SKAP1: variants seen among roughly 807,000 people sequenced by gnomAD.
SKAP1 encodes the protein src kinase associated phosphoprotein 1, also known as src kinase-associated phosphoprotein 1.
SKAP1 carries 44 observed loss-of-function variants against 58.5 expected under a neutral mutation model. The observed-to-expected ratio is 0.75, with a 90% CI of 0.59 to 0.97. The LOEUF is 0.97. Ranked by LOEUF, SKAP1 falls within the 50% of genes least tolerant of loss-of-function variation. SKAP1 has a pLI of 0.00. For missense variants in SKAP1, 390 were observed against 435.2 expected (o/e 0.90, Z 0.92); for synonymous variants, 127 against 149.7 (o/e 0.85, Z 1.11).
At chr17:48,255,209 A>T (rs1355926712) in intron 4 of SKAP1, among the ~76,000 whole-genome samples, 1 of 152,078 alleles carries the variant, frequency 6.6e-6, no homozygotes, top group African/African-American at 2.4e-5. Context: ...AATATAATTA[A>T]AATTCAAGCC....
chr17:48,426,850 T>C (rs944045211), intron 1 of SKAP1, among the ~76,000 whole-genome samples: 9 of 67,310 alleles, frequency 1.3e-4, no homozygotes, highest in Non-Finnish European at 2.3e-4. Flanking sequence ...AGATAGCGTG[T>C]TTTTTTTTTT....
chr17:48,291,845 G>C (rs186590323), intron 4 of SKAP1, among the ~76,000 whole-genome samples: 133 of 152,196 alleles, frequency 8.7e-4, no homozygotes, highest in African/African-American at 3.1e-3. Flanking sequence ...TAATTCAGTT[G>C]AACAGGACTG....
At chr17:48,175,770 G>A (rs564031186) in intron 9 of SKAP1, among the ~76,000 whole-genome samples, 6 of 152,226 alleles carry the variant, frequency 3.9e-5, no homozygotes, top group African/African-American at 4.8e-5. Context: ...TGAGCAGAAT[G>A]TGTATGATTT....
At chr17:48,135,566 C>A (rs1461715608) in intron 12 of SKAP1, among the ~76,000 whole-genome samples, 1 of 152,160 alleles carries the variant, frequency 6.6e-6, no homozygotes, top group Non-Finnish European at 1.5e-5. Flanking sequence ...TAATCTCAAC[C>A]TCCTGGGCTC....
intron 4 of SKAP1, among the ~76,000 whole-genome samples, chr17:48,228,846 A>G (rs1291279452): frequency 1.3e-5 from 2 of 152,198 alleles, no homozygotes; most frequent in Admixed American, 6.5e-5. Flanking sequence ...TAGGCACCAC[A>G]GAGCTGGGCT....
intron 3 of SKAP1, among the ~76,000 whole-genome samples, chr17:48,356,778 TTCTC>T (rs1237796322): frequency 6.6e-6 from 1 of 152,130 alleles, no homozygotes; most frequent in Non-Finnish European, 1.5e-5. Context: ...CCAAAGAATA[TTCTC>T]TCTTTCATTC....
intron 3 of SKAP1, among the ~76,000 whole-genome samples, chr17:48,360,158 T>C (rs2066918326): frequency 6.6e-6 from 1 of 152,154 alleles, no homozygotes; most frequent in African/African-American, 2.4e-5. Context: ...AAAGATATTA[T>C]TCTATATAAT....
rs556813466 is a variant in SKAP1, at chr17:48,390,529, T to C, written c.152+6151A>G. The stretch of plus-strand genomic sequence containing the variant: ...ATCCATATTGAGTAGCTAATAGGAA[T>C]GTGCCCAAGTGATAACGATGGCTAA... On this transcript the variant is annotated intron_variant, in intron 2 of 12. Coordinates refer to ENST00000336915, the MANE Select transcript of SKAP1 (RefSeq NM_003726.4). Among the ~76,000 whole-genome samples the C allele has an allele frequency of 1.8e-4, 28 of 152,208 alleles. 1 individual carries two copies.
intron 4 of SKAP1, among the ~76,000 whole-genome samples, chr17:48,311,706 ACCTG>A (rs1279592231): frequency 6.6e-6 from 1 of 152,148 alleles, no homozygotes; most frequent in Non-Finnish European, 1.5e-5. Flanking sequence ...TAAGCGAGGC[ACCTG>A]CCTCCTAGGA....
At chr17:48,371,775 A>G (rs2067090014) in intron 2 of SKAP1, among the ~76,000 whole-genome samples, 1 of 149,234 alleles carries the variant, frequency 6.7e-6, no homozygotes, top group Non-Finnish European at 1.5e-5. Flanking sequence ...AGGTTGAGGC[A>G]GCAGTGAGCC....
intron 4 of SKAP1, among the ~76,000 whole-genome samples, chr17:48,343,098 T>C (rs1427849721): frequency 2.6e-5 from 4 of 152,166 alleles, no homozygotes; most frequent in African/African-American, 9.7e-5. Flanking sequence ...TTATTAATAG[T>C]TTTCCCAGTG....
At chr17:48,421,593 C>A (rs2067794479) in intron 1 of SKAP1, among the ~76,000 whole-genome samples, 1 of 152,250 alleles carries the variant, frequency 6.6e-6, no homozygotes, top group East Asian at 1.9e-4. Context: ...GTGTAAGCCA[C>A]CATGCCCAGC....
At chr17:48,245,062 T>C (rs1322473003) in intron 4 of SKAP1, among the ~76,000 whole-genome samples, 1 of 152,208 alleles carries the variant, frequency 6.6e-6, no homozygotes, top group African/African-American at 2.4e-5. Flanking sequence ...AGGAGTAACC[T>C]GACTCTCTTT....
intron 4 of SKAP1, among the ~76,000 whole-genome samples, chr17:48,274,708 A>T (rs531467720): frequency 2.3e-4 from 34 of 150,512 alleles, no homozygotes; most frequent in East Asian, 9.8e-4. Context: ...AAAAAAAAAA[A>T]TTTTTTTTTC....
At chr17:48,429,968 GA>G in intron 1 of SKAP1, 106 bp downstream of exon 1, 1 of 955,448 alleles carries the variant, frequency 1.0e-6, no homozygotes, top group Non-Finnish European at 1.4e-6. Context: ...TAAGGTTCTA[GA>G]AGGAGGTGAG....
chr17:48,237,084 T>C lies in SKAP1; in HGVS notation c.281-47584A>G, dbSNP rs542178888. On this transcript the variant is annotated intron_variant, in intron 4 of 12. Transcript: ENST00000336915. The stretch of plus-strand genomic sequence containing the variant: ...TCATGAAGTTGGATTTGAAATCCAG[T>C]TCTTTCTGACTCCAGAAACCATCCA... 3.3e-5 allele frequency among the ~76,000 whole-genome samples: 5 copies of C among 152,324 alleles called. No individual in the cohort carries two copies. In the South Asian group the frequency reaches 1.0e-3, roughly 32 times the overall value.
At chr17:48,253,714 C>T (rs539770366) in intron 4 of SKAP1, among the ~76,000 whole-genome samples, 28 of 135,100 alleles carry the variant, frequency 2.1e-4, no homozygotes, top group Admixed American at 1.5e-3. Context: ...AATGCCACCT[C>T]ATGCCTTCCT....
At chr17:48,360,274 T>A (rs1485287247) in intron 3 of SKAP1, among the ~76,000 whole-genome samples, 1 of 152,182 alleles carries the variant, frequency 6.6e-6, no homozygotes, top group Non-Finnish European at 1.5e-5. Flanking sequence ...GATTTTTTTA[T>A]AGCAAATAAA....
intron 4 of SKAP1, among the ~76,000 whole-genome samples, chr17:48,207,754 TC>T (rs1023671263): frequency 3.9e-5 from 6 of 152,092 alleles, no homozygotes; most frequent in African/African-American, 1.4e-4. Context: ...AAATTTGGGG[TC>T]AGAAGCCCAG....
Sources: gnomAD v4.1 joint callset for allele counts (sites outside exome capture counted in the v4.1 genomes callset) on GRCh38, gnomAD v4.1.1 for gene constraint, MANE v1.5 for transcripts, NCBI Gene and HGNC (gene_info 2026-07-23, HGNC 2026-07-21) for gene names.